FAM81B: variants seen among roughly 807,000 people sequenced by gnomAD.
FAM81B encodes the protein family with sequence similarity 81 member B.
FAM81B carries 60 observed loss-of-function variants against 58.7 expected under a neutral mutation model. That is an observed-to-expected ratio of 1.02 (90% CI 0.83 to 1.27). FAM81B has a LOEUF of 1.27. FAM81B is among the 50% of genes most tolerant of loss of function. FAM81B has a pLI of 0.00. For missense variants in FAM81B, 491 were observed against 522.0 expected (o/e 0.94, Z 0.58); for synonymous variants, 189 against 179.6 (o/e 1.05, Z -0.42).
intron 3 of FAM81B, among the ~76,000 whole-genome samples, chr5:95,400,744 A>G (rs1243116691): frequency 1.3e-5 from 2 of 152,110 alleles, no homozygotes; most frequent in South Asian, 2.1e-4. Flanking sequence ...CTTTAACTTG[A>G]TCTCGTCAGC....
In FAM81B at chr5:95,450,410, C is replaced by T; in HGVS notation, c.*128C>T. On this transcript the variant is annotated 3_prime_UTR_variant, in exon 10 of 10. Coordinates refer to ENST00000283357, the MANE Select transcript of FAM81B (RefSeq NM_152548.3). The stretch of plus-strand genomic sequence containing the variant: ...GTCTCCTTTTAAGGAGACGAATGTA[C>T]CAGAAAAATAATAAAGCAAAGAAGC... The T allele has an allele frequency of 1.4e-6, 2 of 1,445,210 alleles. No individual in the cohort carries two copies. Among genetic ancestry groups the T allele is most frequent in the Non-Finnish European group, 1.8e-6 (2 of 1,085,028 alleles). 89.5% of individuals were successfully genotyped at this position (1,445,210 alleles called of 1,614,324 possible).
chr5:95,408,489 G>C (rs1762324016), intron 3 of FAM81B, among the ~76,000 whole-genome samples: 1 of 152,136 alleles, frequency 6.6e-6, no homozygotes, highest in Non-Finnish European at 1.5e-5. Flanking sequence ...CATCCAACTT[G>C]GTTTGTTAGA....
At position 95,426,747 on chromosome 5, in the gene FAM81B, G is replaced by A. The variant is rs190754905; in HGVS notation, c.657-1856G>A. The stretch of plus-strand genomic sequence containing the variant: ...AGATGAGGAAAACTGAAATCTGTAG[G>A]CATTAAGAAGCTTGTCCCAGGCCGG... On this transcript the variant is annotated intron_variant, in intron 5 of 9. Transcript: ENST00000283357. Among the ~76,000 whole-genome samples the A allele has an allele frequency of 3.3e-5, 5 of 152,204 alleles. No individual in the cohort carries two copies. The East Asian group carries it at 9.7e-4, about 30-fold the overall frequency.
intron 2 of FAM81B, among the ~76,000 whole-genome samples, chr5:95,395,523 C>A (rs1184226500): frequency 6.6e-6 from 1 of 151,176 alleles, no homozygotes; most frequent in African/African-American, 2.4e-5. Flanking sequence ...TCTTTCCTGT[C>A]ATAAAAATGC....
At chr5:95,417,770 GT>G (rs1762574935) in intron 4 of FAM81B, among the ~76,000 whole-genome samples, 1 of 152,114 alleles carries the variant, frequency 6.6e-6, no homozygotes, top group African/African-American at 2.4e-5. Flanking sequence ...AGATGACACT[GT>G]ACACAAAGAT....
At chr5:95,447,332 T>C (rs1335276240) in intron 8 of FAM81B, among the ~76,000 whole-genome samples, 2 of 152,190 alleles carry the variant, frequency 1.3e-5, no homozygotes, top group African/African-American at 4.8e-5. Flanking sequence ...AGAGAGACTT[T>C]AGGCAGAGGC....
In FAM81B at chr5:95,434,616, CT is replaced by C. The variant is rs150189941; in HGVS notation, c.787-2180del. Among the ~76,000 whole-genome samples, 1,210 of 152,346 alleles carry C rather than the reference CT, an allele frequency of 7.9e-3. 14 individuals are homozygous for C. Among genetic ancestry groups the C allele is most frequent in the African/African-American group, 0.027 (1,140 of 41,570 alleles). On this transcript the variant is annotated intron_variant, in intron 6 of 9. Coordinates refer to ENST00000283357, the MANE Select transcript of FAM81B (RefSeq NM_152548.3). ...GGTTTCAGACTGAGGGCATGGACAT[CT>C]TTTCGAGCCCATTCTGCCTCCCACA...
chr5:95,446,793 A>G lies in FAM81B; in HGVS notation c.1029+96A>G, dbSNP rs73143942. ...AATTTGTACTTCAACATTTATGGTA[A>G]TCTTCACTGCTTCAGTAACTTTTTT... On this transcript the variant is annotated intron_variant, in intron 8 of 9. Transcript: ENST00000283357. 8.0e-4 allele frequency: 1,183 copies of G among 1,486,512 alleles called. 6 individuals carry two copies. In the African/African-American group the frequency reaches 0.012, roughly 15 times the overall value. 92.1% of individuals were successfully genotyped at this position (1,486,512 alleles called of 1,614,324 possible).
chr5:95,434,467 A>C (rs1041637275), intron 6 of FAM81B, among the ~76,000 whole-genome samples: 1 of 152,004 alleles, frequency 6.6e-6, no homozygotes, highest in Non-Finnish European at 1.5e-5. Flanking sequence ...AGCTGGAAAA[A>C]CTTCTCTGCT....
In FAM81B at chr5:95,396,190, TACA is replaced by T; in HGVS notation, c.293+18_293+20del. The T allele has an allele frequency of 6.4e-7, 1 of 1,574,018 alleles. No individual in the cohort carries two copies. Among genetic ancestry groups the T allele is most frequent in the South Asian group, 1.2e-5 (1 of 85,214 alleles). Reference sequence around the variant, plus strand: ...TATGTTGACAAGTAAGTGTGTAAATTACAACTAGTTTTAACTATTAACTGCATT... The same window carrying T: ...TATGTTGACAAGTAAGTGTGTAAATTACTAGTTTTAACTATTAACTGCATT... On this transcript the variant is annotated intron_variant, in intron 3 of 9. Transcript: ENST00000283357.
chr5:95,400,433 T>TACATACATACACACACAC (rs778492178), intron 3 of FAM81B, among the ~76,000 whole-genome samples: 1 of 137,998 alleles, frequency 7.2e-6, no homozygotes, highest in African/African-American at 3.0e-5. Flanking sequence ...CATACATACA[T>TACATACATACACACACAC]ACACACACAC....
chr5:95,409,891 T>C (rs60708510), intron 3 of FAM81B, among the ~76,000 whole-genome samples: 35,543 of 152,182 alleles, frequency 0.23, 4,465 homozygotes, highest in Middle Eastern at 0.29. Context: ...ATACTTGATA[T>C]CAAATTGGAG....
chr5:95,444,909 T>A (rs777769726), intron 7 of FAM81B, among the ~76,000 whole-genome samples: 5 of 152,186 alleles, frequency 3.3e-5, no homozygotes, highest in Non-Finnish European at 5.9e-5. Flanking sequence ...CATTGTAAGA[T>A]GTTTAGCAGC....
intron 4 of FAM81B, among the ~76,000 whole-genome samples, chr5:95,418,168 C>T (rs1762584600): frequency 6.6e-6 from 1 of 152,188 alleles, no homozygotes; most frequent in African/African-American, 2.4e-5. Context: ...CTTTGTCCAG[C>T]ACATTCACAC....
At chr5:95,401,398 C>G (rs1372163019) in intron 3 of FAM81B, among the ~76,000 whole-genome samples, 3 of 152,168 alleles carry the variant, frequency 2.0e-5, no homozygotes, top group African/African-American at 4.8e-5. Flanking sequence ...CCTCACCCCC[C>G]AGAGCATTCA....
chr5:95,399,489 C>CA (rs1029897009), intron 3 of FAM81B, among the ~76,000 whole-genome samples: 7 of 152,056 alleles, frequency 4.6e-5, no homozygotes, highest in South Asian at 2.1e-4. Context: ...TGCCCCCCCC[C>CA]ACCCACCTGT....
intron 7 of FAM81B, chr5:95,439,960 A>T (rs1259652527): frequency 6.7e-6 from 2 of 300,104 alleles, no homozygotes; most frequent in Non-Finnish European, 1.3e-5. Flanking sequence ...TTCGGGTTAC[A>T]ATGAGCTGTC....
chr5:95,410,126 G>A (rs902263741), intron 3 of FAM81B, among the ~76,000 whole-genome samples: 7 of 152,160 alleles, frequency 4.6e-5, no homozygotes, highest in African/African-American at 1.7e-4. Flanking sequence ...AAAAAAGGAC[G>A]GGTGGGGACA....
chr5:95,420,440 T>C, intron 5 of FAM81B, 38 bp downstream of exon 5: 1 of 1,609,088 alleles, frequency 6.2e-7, no homozygotes, highest in Non-Finnish European at 8.5e-7. Context: ...TAACAGTGAA[T>C]TCTTGGCCAG....
Sources: gnomAD v4.1 joint callset for allele counts (sites outside exome capture counted in the v4.1 genomes callset) on GRCh38, gnomAD v4.1.1 for gene constraint, MANE v1.5 for transcripts, NCBI Gene and HGNC (gene_info 2026-07-23, HGNC 2026-07-21) for gene names.